Variants in SVIL observed in about 807,000 individuals in gnomAD.
SVIL encodes supervillin.
SVIL carries 101 observed loss-of-function variants against 240.4 expected under a neutral mutation model. That is an observed-to-expected ratio of 0.42 (90% CI 0.36 to 0.50). The LOEUF (loss-of-function observed/expected upper bound fraction) is 0.50. Among genes scored for constraint, SVIL ranks in the 20% least tolerant of loss-of-function variants. The probability of loss-of-function intolerance (pLI) is 0.01; values close to 1 mark genes in which losing one functional copy is unlikely to be tolerated. For synonymous variants in SVIL, 999 were observed against 1,100.0 expected (o/e 0.91, Z 1.82); for missense variants, 2,512 against 2,818.7 (o/e 0.89, Z 2.46).
chr10:29,491,018 A>G lies in SVIL; in HGVS notation c.4021T>C (p.Leu1341=), dbSNP rs1338978427. ...TTGTGCTCGGCCACGGAAGACGTCA[A>G]TCTGCGGATGGAAGCAGAGCCGCGG... The part of the protein sequence containing the change: ...DVIFDPYAPK[L]TSSVAEHKRA... Residue 1341 remains leucine, a splice_region_variant and synonymous_variant, in exon 22 of 38, where the codon TTG becomes CTG. Coordinates refer to ENST00000355867, the MANE Select transcript of SVIL (RefSeq NM_021738.3). 1.9e-6 allele frequency: 3 copies of G among 1,613,414 alleles called. No individual in the cohort carries two copies. The highest frequency in any genetic ancestry group is 2.5e-6 in the Non-Finnish European group (3 of 1,179,634).
At chr10:29,497,611 A>G (rs1948546249) in intron 18 of SVIL, among the ~76,000 whole-genome samples, 1 of 152,232 alleles carries the variant, frequency 6.6e-6, no homozygotes, top group Non-Finnish European at 1.5e-5. Flanking sequence ...AACTGAGGAC[A>G]TATTTTAGAC....
intron 1 of SVIL, among the ~76,000 whole-genome samples, chr10:29,591,300 C>A (rs1589339184): frequency 1.3e-5 from 2 of 152,208 alleles, no homozygotes; most frequent in East Asian, 3.8e-4. Context: ...CCAGGCAGGT[C>A]CAGAACTTTC....
At chr10:29,704,657 C>T (rs1201645104) in intron 1 of SVIL, among the ~76,000 whole-genome samples, 1 of 152,040 alleles carries the variant, frequency 6.6e-6, no homozygotes, top group Non-Finnish European at 1.5e-5. Context: ...TGATCATTTC[C>T]CCCCGCAAAT....
chr10:29,689,612 A>T (rs1432302702), intron 1 of SVIL, among the ~76,000 whole-genome samples: 2 of 152,228 alleles, frequency 1.3e-5, no homozygotes, highest in African/African-American at 2.4e-5. Flanking sequence ...GCATACTGCA[A>T]TGCATTCATA....
At chr10:29,710,923 T>C (rs1462448356) in intron 1 of SVIL, among the ~76,000 whole-genome samples, 1 of 152,148 alleles carries the variant, frequency 6.6e-6, no homozygotes, top group African/African-American at 2.4e-5. Flanking sequence ...AATTAACAAC[T>C]GCAAGTCTAG....
At chr10:29,475,463 T>C (rs1946094484) in intron 29 of SVIL, 1 of 152,200 alleles carries the variant, frequency 6.6e-6, no homozygotes. Context: ...AACAAGACAA[T>C]GATGAACTCG....
chr10:29,665,253 G>C (rs1959213049), intron 2 of SVIL, among the ~76,000 whole-genome samples: 1 of 126,974 alleles, frequency 7.9e-6, no homozygotes, highest in Admixed American at 7.5e-5. Context: ...AAAAAAAAAG[G>C]AGGCAAACGA....
chr10:29,591,016 C>A (rs1461042626), intron 1 of SVIL, among the ~76,000 whole-genome samples: 2 of 152,242 alleles, frequency 1.3e-5, no homozygotes, highest in Non-Finnish European at 2.9e-5. Flanking sequence ...TTTCATTCAT[C>A]CACTGAACAA....
intron 1 of SVIL, among the ~76,000 whole-genome samples, chr10:29,718,241 G>A (rs1178136049): frequency 3.3e-5 from 5 of 151,416 alleles, no homozygotes; most frequent in African/African-American, 1.2e-4. Context: ...CAGGAGAATC[G>A]CTTGAACCCA....
At chr10:29,545,608 G>A (rs1010623137) in intron 6 of SVIL, among the ~76,000 whole-genome samples, 1 of 152,072 alleles carries the variant, frequency 6.6e-6, no homozygotes, top group Non-Finnish European at 1.5e-5. Flanking sequence ...TGTAATCCCA[G>A]CATTTTAGGA....
At chr10:29,607,909 G>C (rs867942384) in intron 1 of SVIL, among the ~76,000 whole-genome samples, 23 of 152,292 alleles carry the variant, frequency 1.5e-4, no homozygotes, top group Admixed American at 4.6e-4. Context: ...GAGCTGGGAG[G>C]CTCTTTCCCA....
At chr10:29,491,066 C>T (rs751578021) in intron 21 of SVIL, 47 bp from the exon 22 acceptor site, 2 of 1,572,318 alleles carry the variant, frequency 1.3e-6, no homozygotes, top group East Asian at 4.6e-5. Context: ...ACACCACCAC[C>T]CCTGGATGAC....
intron 1 of SVIL, among the ~76,000 whole-genome samples, chr10:29,618,112 C>T (rs1012930365): frequency 6.6e-5 from 10 of 152,162 alleles, no homozygotes; most frequent in African/African-American, 2.4e-4. Flanking sequence ...GGCAGCAGAG[C>T]ACTGTTCTCC....
chr10:29,467,957 A>T, intron 32 of SVIL, 82 bp from the exon 33 acceptor site: 1 of 1,413,192 alleles, frequency 7.1e-7, no homozygotes, highest in South Asian at 1.2e-5. Flanking sequence ...TTATGATAAC[A>T]GCTTTATAAT....
chr10:29,584,429 G>T lies in SVIL; in HGVS notation c.-200-15117C>A, dbSNP rs1192605132. Among the ~76,000 whole-genome samples the T allele has an allele frequency of 2.6e-5, 4 of 152,218 alleles. 1 individual carries two copies. In the East Asian group the frequency reaches 7.7e-4, roughly 29 times the overall value. ...GCTTCCCTGCCCTGCTGCCACCACT[G>T]CATGCACAGGGGGTCTGGACTGTTT... On this transcript the variant is annotated intron_variant, in intron 1 of 37. Coordinates refer to ENST00000355867, the MANE Select transcript of SVIL (RefSeq NM_021738.3).
At chr10:29,471,033 G>A in intron 31 of SVIL, 105 bp downstream of exon 31, 1 of 1,083,222 alleles carries the variant, frequency 9.2e-7, no homozygotes, top group Admixed American at 2.0e-5. Context: ...CAGAGGTCGA[G>A]CCACAGCTAG....
chr10:29,534,190 G>T (rs77244195), intron 7 of SVIL, among the ~76,000 whole-genome samples: 2,444 of 152,256 alleles, frequency 0.016, 66 homozygotes, highest in African/African-American at 0.055. Flanking sequence ...CTGCTGTTAT[G>T]CTCTTAGTTA....
chr10:29,730,583 G>A (rs1172596071), intron 1 of SVIL, among the ~76,000 whole-genome samples: 1 of 152,178 alleles, frequency 6.6e-6, no homozygotes, highest in Non-Finnish European at 1.5e-5. Flanking sequence ...GTAAACATCT[G>A]TTATTACTGC....
At chr10:29,707,045 T>C (rs1962937746) in intron 1 of SVIL, among the ~76,000 whole-genome samples, 1 of 152,234 alleles carries the variant, frequency 6.6e-6, no homozygotes, top group Non-Finnish European at 1.5e-5. Flanking sequence ...ACTGTTGCAT[T>C]GTAATATAGC....
Sources: gnomAD v4.1 joint callset for allele counts (sites outside exome capture counted in the v4.1 genomes callset) on GRCh38, gnomAD v4.1.1 for gene constraint, MANE v1.5 for transcripts, NCBI Gene and HGNC (gene_info 2026-07-23, HGNC 2026-07-21) for gene names.